Variants in C1QTNF7 observed in about 807,000 individuals in gnomAD.
C1QTNF7 encodes the protein complement C1q tumor necrosis factor-related protein 7.
A neutral mutation model predicts 19.6 loss-of-function variants in C1QTNF7; 15 were observed. The observed-to-expected ratio is 0.76, with a 90% CI of 0.51 to 1.18. C1QTNF7 has a LOEUF of 1.18. Ranked by LOEUF, C1QTNF7 falls within the 50% of genes most tolerant of loss-of-function variation. The pLI is 0.00. For synonymous variants in C1QTNF7, 142 were observed against 137.5 expected, an observed-to-expected ratio of 1.03 and a Z score of -0.23; for missense variants, 324 against 359.7, an observed-to-expected ratio of 0.90 and a Z score of 0.80.
In C1QTNF7 at chr4:15,444,512, C is replaced by A. The variant is rs957188384; in HGVS notation, c.*1713C>A. ...CTTCCCAGACAGAGGGGCGGCCGGG[C>A]AGAGGTGCTCCTCACTTCCCAGAGG... On this transcript the variant is annotated 3_prime_UTR_variant, in exon 3 of 3. Coordinates refer to ENST00000444304, the MANE Select transcript of C1QTNF7 (RefSeq NM_031911.5). 6.6e-6 allele frequency: 1 copy of A among 151,998 alleles called. No homozygotes were observed. The highest frequency in any genetic ancestry group is 1.5e-5 in the Non-Finnish European group (1 of 68,044). The allele number at this position is 151,998 out of a possible 1,614,324, so 9.4% of individuals were successfully genotyped here. A position where few individuals can be genotyped will look rare whatever the true frequency, so the allele number is the denominator to read the frequency against.
intron 1 of C1QTNF7, among the ~76,000 whole-genome samples, chr4:15,345,867 T>C (rs1176193735): frequency 6.6e-6 from 1 of 152,170 alleles, no homozygotes; most frequent in Non-Finnish European, 1.5e-5. Flanking sequence ...GTCCCTATTG[T>C]TTAGATGAGG....
intron 1 of C1QTNF7, chr4:15,374,656 A>G: frequency 4.1e-6 from 4 of 985,338 alleles, no homozygotes; most frequent in Non-Finnish European, 4.8e-6. Flanking sequence ...CTGAAGCCCC[A>G]AAGAATTATG....
At chr4:15,360,602 T>G (rs1332814517) in intron 1 of C1QTNF7, among the ~76,000 whole-genome samples, 2 of 152,008 alleles carry the variant, frequency 1.3e-5, no homozygotes, top group African/African-American at 4.8e-5. Context: ...AATAGCAAAA[T>G]CACCAACAAA....
At chr4:15,350,221 AGGAAGGAGGAAAGAAGGGAG>A (rs1716871333) in intron 1 of C1QTNF7, among the ~76,000 whole-genome samples, 2 of 107,366 alleles carry the variant, frequency 1.9e-5, no homozygotes, top group African/African-American at 3.5e-5. Flanking sequence ...AAGGGAGGGA[AGGAAGGAGGAAAGAAGGGAG>A]GGAGGGAGGG....
intron 1 of C1QTNF7, among the ~76,000 whole-genome samples, chr4:15,371,255 A>G (rs1717711883): frequency 6.6e-6 from 1 of 152,218 alleles, no homozygotes; most frequent in Admixed American, 6.5e-5. Context: ...GATTAGCCAA[A>G]CCTAGCAAAA....
chr4:15,410,101 T>C (rs1202670266), intron 1 of C1QTNF7, among the ~76,000 whole-genome samples: 1 of 152,238 alleles, frequency 6.6e-6, no homozygotes, highest in Non-Finnish European at 1.5e-5. Context: ...TTCCTGCCGT[T>C]AGCACTAATC....
chr4:15,445,520 T>C lies in C1QTNF7; in HGVS notation c.*2721T>C, dbSNP rs1223925684. ...GCTTTTAAAACTGAATTTCCTTTAA[T>C]TGGTTTGAAGCCTAGAGATGAATTT... On this transcript the variant is annotated 3_prime_UTR_variant, in exon 3 of 3. Transcript: ENST00000444304. The C allele has an allele frequency of 6.6e-6, 1 of 152,210 alleles. No individual in the cohort carries two copies. Among genetic ancestry groups the C allele is most frequent in the African/African-American group, 2.4e-5 (1 of 41,458 alleles). 9.4% of individuals were successfully genotyped at this position (152,210 alleles called of 1,614,324 possible). A position where few individuals can be genotyped will look rare whatever the true frequency, so the allele number is the denominator to read the frequency against.
chr4:15,441,351 T>C (rs1328262436), intron 2 of C1QTNF7, among the ~76,000 whole-genome samples: 1 of 152,160 alleles, frequency 6.6e-6, no homozygotes, highest in African/African-American at 2.4e-5. Context: ...AATAAGATAA[T>C]GCATGCAAAT....
chr4:15,408,353 A>ATATG (rs1043862282), intron 1 of C1QTNF7, among the ~76,000 whole-genome samples: 2 of 151,740 alleles, frequency 1.3e-5, no homozygotes, highest in Non-Finnish European at 2.9e-5. Context: ...AGATAAGTAT[A>ATATG]TATGTATGTA....
intron 1 of C1QTNF7, among the ~76,000 whole-genome samples, chr4:15,352,501 A>C (rs1219605162): frequency 6.6e-6 from 1 of 152,206 alleles, no homozygotes; most frequent in African/African-American, 2.4e-5. Context: ...CTGTGTGCTG[A>C]AAGATAATGT....
intron 1 of C1QTNF7, among the ~76,000 whole-genome samples, chr4:15,345,217 C>T (rs919688787): frequency 6.6e-6 from 1 of 152,176 alleles, no homozygotes; most frequent in African/African-American, 2.4e-5. Flanking sequence ...TAAGGTCAGG[C>T]AAAAATCCTG....
rs116241346 is a variant in C1QTNF7 at position 15,384,853 on chromosome 4, G to A, written c.13+44646G>A. ...GACCAGAGCAAGTAGTGGCCTCCGG[G>A]GAGTGGGGTTGCAGGATTCTCTTCC... On this transcript the variant is annotated intron_variant, in intron 1 of 2. Transcript: ENST00000295297. 6.9e-3 allele frequency among the ~76,000 whole-genome samples: 1,050 copies of A among 152,254 alleles called. 18 individuals are homozygous for A. The highest frequency in any genetic ancestry group is 0.024 in the African/African-American group (995 of 41,540).
At chr4:15,345,779 A>G (rs1441045475) in intron 1 of C1QTNF7, among the ~76,000 whole-genome samples, 6 of 152,250 alleles carry the variant, frequency 3.9e-5, no homozygotes, top group Admixed American at 3.9e-4. Context: ...CGGAGGAGGC[A>G]TATATTACAA....
At chr4:15,358,171 C>T (rs1468360833) in intron 1 of C1QTNF7, 1 of 151,820 alleles carries the variant, frequency 6.6e-6, no homozygotes, top group East Asian at 1.9e-4. Flanking sequence ...TGGAAGGCTT[C>T]CAGCTTTTGC....
In C1QTNF7 at chr4:15,373,486, A is replaced by T. The variant is rs376019337; in HGVS notation, c.13+33279A>T. ...TTCAAAGCCTAAAACATTGCAAAGCACTATCTTGATAAACACCTCATTTGA... is the reference window on the plus strand; with the variant it reads ...TTCAAAGCCTAAAACATTGCAAAGCTCTATCTTGATAAACACCTCATTTGA... On this transcript the variant is annotated intron_variant, in intron 1 of 2. Transcript: ENST00000295297. Among the ~76,000 whole-genome samples, 207 of 152,336 alleles carry T rather than the reference A, an allele frequency of 1.4e-3. 1 individual carries two copies. Among genetic ancestry groups the T allele is most frequent in the African/African-American group, 4.8e-3 (198 of 41,576 alleles).
At chr4:15,343,857 G>A (rs572674110) in intron 1 of C1QTNF7, among the ~76,000 whole-genome samples, 24 of 152,334 alleles carry the variant, frequency 1.6e-4, no homozygotes, top group African/African-American at 5.5e-4. Context: ...CAAGGTGGGT[G>A]TAGACTTACC....
intron 1 of C1QTNF7, among the ~76,000 whole-genome samples, chr4:15,390,908 T>C (rs10018618): frequency 0.084 from 12,725 of 152,018 alleles, 1,707 homozygotes; most frequent in African/African-American, 0.29. Flanking sequence ...AAAAAAATAA[T>C]TAGCCATAGT....
chr4:15,352,469 A>C (rs956747732), intron 1 of C1QTNF7, among the ~76,000 whole-genome samples: 1 of 152,182 alleles, frequency 6.6e-6, no homozygotes, highest in Non-Finnish European at 1.5e-5. Context: ...TGCTCCCTCC[A>C]AAACCTGTAA....
chr4:15,357,409 A>G (rs1246651080), intron 1 of C1QTNF7, among the ~76,000 whole-genome samples: 1 of 152,082 alleles, frequency 6.6e-6, no homozygotes, highest in East Asian at 1.9e-4. Context: ...ATTGTTGTAG[A>G]TGTGTGGCAT....
Sources: allele counts gnomAD v4.1 joint callset (sites outside exome capture counted in the v4.1 genomes callset), GRCh38; gene constraint gnomAD v4.1.1; transcripts MANE v1.5; gene names NCBI Gene and HGNC (gene_info 2026-07-23, HGNC 2026-07-21).